The following CACNA1E variants were observed in gnomAD, a reference collection of about 807,000 sequenced individuals.
The protein encoded by CACNA1E is calcium voltage-gated channel subunit alpha1 E.
A neutral mutation model predicts 259.2 loss-of-function variants in CACNA1E; 40 were observed. That is an observed-to-expected ratio of 0.15 (90% CI 0.12 to 0.20). The LOEUF is 0.20. Among genes scored for constraint, CACNA1E ranks in the 10% least tolerant of loss-of-function variants. The pLI is 1.00. For missense variants in CACNA1E, 1,874 were observed against 3,040.1 expected, an observed-to-expected ratio of 0.62 and a Z score of 9.02; for synonymous variants, 1,104 against 1,138.5, an observed-to-expected ratio of 0.97 and a Z score of 0.61.
chr1:181,785,669 T>A, intron 42 of CACNA1E, 44 bp from the exon 43 acceptor site: 1 of 1,298,592 alleles, frequency 7.7e-7, no homozygotes, highest in East Asian at 2.3e-5. Context: ...GCAAACTCCG[T>A]AGTCATTGGA....
chr1:181,629,569 A>T (rs1026953403), intron 6 of CACNA1E, among the ~76,000 whole-genome samples: 2 of 152,116 alleles, frequency 1.3e-5, no homozygotes, highest in Non-Finnish European at 2.9e-5. Context: ...TAAATTACAA[A>T]TTTTTTATGG....
chr1:181,736,016 A>G (rs1655998355), intron 21 of CACNA1E, among the ~76,000 whole-genome samples: 2 of 152,214 alleles, frequency 1.3e-5, no homozygotes, highest in African/African-American at 4.8e-5. Context: ...TTCAACCTTA[A>G]AAGTGGAAAC....
At chr1:181,521,528 A>G (rs889002645) in intron 3 of CACNA1E, among the ~76,000 whole-genome samples, 3 of 152,226 alleles carry the variant, frequency 2.0e-5, no homozygotes, top group Non-Finnish European at 4.4e-5. Context: ...AGGAGAAGAC[A>G]GGAGGGAAGG....
At chr1:181,537,881 A>G (rs1668295101) in intron 3 of CACNA1E, among the ~76,000 whole-genome samples, 1 of 152,230 alleles carries the variant, frequency 6.6e-6, no homozygotes, top group Non-Finnish European at 1.5e-5. Context: ...GCTACCTACT[A>G]TGTAGGATTA....
At chr1:181,423,381 G>C (rs1658907123) in intron 2 of CACNA1E, among the ~76,000 whole-genome samples, 1 of 152,172 alleles carries the variant, frequency 6.6e-6, no homozygotes, top group Non-Finnish European at 1.5e-5. Flanking sequence ...TTCATTTACA[G>C]GTGAGGAAGC....
chr1:181,543,658 C>A (rs192710508), intron 3 of CACNA1E, among the ~76,000 whole-genome samples: 48 of 152,284 alleles, frequency 3.2e-4, no homozygotes, highest in Middle Eastern at 3.4e-3. Context: ...GACATCCCAG[C>A]CTCCAAAACT....
chr1:181,667,248 T>C (rs1430590453), intron 7 of CACNA1E, among the ~76,000 whole-genome samples: 2 of 152,116 alleles, frequency 1.3e-5, no homozygotes, highest in Non-Finnish European at 2.9e-5. Context: ...CACTGATGGC[T>C]GAAATGTAAG....
rs552522512 is a variant in CACNA1E, at chr1:181,424,484, A to G, written c.434+10904A>G. ...AGAGAACTGGGTTTGAGAATAAACA[A>G]GGTGGTGCGCGAGCAGCGCGGTTTT... On this transcript the variant is annotated intron_variant, in intron 2 of 11. Transcript: ENST00000524607. 1.1e-4 allele frequency among the ~76,000 whole-genome samples: 17 copies of G among 152,356 alleles called. No individual in the cohort carries two copies. In the Middle Eastern group the frequency reaches 0.01, roughly 91 times the overall value.
At chr1:181,735,010 T>C (rs1331704504) in intron 21 of CACNA1E, among the ~76,000 whole-genome samples, 1 of 152,216 alleles carries the variant, frequency 6.6e-6, no homozygotes, top group Non-Finnish European at 1.5e-5. Flanking sequence ...AGCCTTGCTG[T>C]TTTCCTCTAC....
intron 6 of CACNA1E, among the ~76,000 whole-genome samples, chr1:181,626,390 A>G (rs905127097): frequency 5.3e-5 from 8 of 152,290 alleles, no homozygotes; most frequent in South Asian, 2.1e-4. Context: ...TAGATGTGTG[A>G]AAAAAAGAAA....
At chr1:181,331,184 T>C (rs1190869100) in intron 1 of CACNA1E, among the ~76,000 whole-genome samples, 1 of 152,172 alleles carries the variant, frequency 6.6e-6, no homozygotes, top group Non-Finnish European at 1.5e-5. Flanking sequence ...AGTGTATTAG[T>C]TAGGGTTCCC....
intron 1 of CACNA1E, among the ~76,000 whole-genome samples, chr1:181,380,971 G>A (rs1655419746): frequency 6.6e-6 from 1 of 152,132 alleles, no homozygotes; most frequent in South Asian, 2.1e-4. Flanking sequence ...TTTGAGACCA[G>A]CCTGGCCAAC....
Position 181,739,052 on chromosome 1 carries a change from A to G in CACNA1E, c.3613-95A>G, listed in dbSNP as rs142556426. The G allele has an allele frequency of 6.1e-4, 488 of 796,620 alleles. No homozygotes were observed. In the African/African-American group the frequency reaches 7.7e-3, roughly 13 times the overall value. The allele number at this position is 796,620 out of a possible 1,614,324, so 49.3% of individuals were successfully genotyped here. A position where few individuals can be genotyped will look rare whatever the true frequency, so the allele number is the denominator to read the frequency against. ...CTAGCATAGGGTTGGTTGTGGAGACAGTGGCAGTGGGGGCACTGCCATGAT... is the reference window on the plus strand; with the variant it reads ...CTAGCATAGGGTTGGTTGTGGAGACGGTGGCAGTGGGGGCACTGCCATGAT... On this transcript the variant is annotated intron_variant, in intron 24 of 47. Coordinates refer to ENST00000367573, the MANE Select transcript of CACNA1E (RefSeq NM_001205293.3).
chr1:181,709,315 C>G (rs756094370), intron 7 of CACNA1E, among the ~76,000 whole-genome samples: 1 of 152,212 alleles, frequency 6.6e-6, no homozygotes, highest in Non-Finnish European at 1.5e-5. Flanking sequence ...TCCCTTCCCC[C>G]ATAGCACCTT....
At chr1:181,747,450 A>T (rs10442601) in intron 25 of CACNA1E, among the ~76,000 whole-genome samples, 3,437 of 122,860 alleles carry the variant, frequency 0.028, 77 homozygotes, top group Admixed American at 0.068. Flanking sequence ...AAAATCTGTC[A>T]TTTTTTTTTT....
chr1:181,759,249 A>G (rs929217222), intron 32 of CACNA1E, among the ~76,000 whole-genome samples: 1 of 152,214 alleles, frequency 6.6e-6, no homozygotes, highest in Non-Finnish European at 1.5e-5. Flanking sequence ...GAAAATAACT[A>G]TCTCTCTTAG....
intron 3 of CACNA1E, among the ~76,000 whole-genome samples, chr1:181,572,293 C>T (rs1045389181): frequency 3.9e-5 from 6 of 152,234 alleles, no homozygotes; most frequent in African/African-American, 1.4e-4. Context: ...AGCATTGCCT[C>T]TGTCTTCTGT....
At position 181,717,388 on chromosome 1, in the gene CACNA1E, A is replaced by G. The variant is rs1182450238; in HGVS notation, c.1525+86A>G. On this transcript the variant is annotated intron_variant, in intron 11 of 47. Transcript: ENST00000367573. ...GTGTGTGAACGCAAGACAGCAAAGCACCCTGCTAGGAAAGGTTCTACCTCT... is the reference window on the plus strand; with the variant it reads ...GTGTGTGAACGCAAGACAGCAAAGCGCCCTGCTAGGAAAGGTTCTACCTCT... The G allele has an allele frequency of 2.7e-6, 3 of 1,106,656 alleles. No individual in the cohort carries two copies. In the Admixed American group the frequency reaches 5.2e-5, roughly 19 times the overall value. 68.6% of individuals were successfully genotyped at this position (1,106,656 alleles called of 1,614,324 possible). A position where few individuals can be genotyped will look rare whatever the true frequency, so the allele number is the denominator to read the frequency against.
chr1:181,567,604 T>G (rs1287333158), intron 3 of CACNA1E, among the ~76,000 whole-genome samples: 1 of 152,222 alleles, frequency 6.6e-6, no homozygotes, highest in Non-Finnish European at 1.5e-5. Context: ...ATGTTGTTGC[T>G]TCAGGTAGCA....
Sources: gnomAD v4.1 joint callset for allele counts (sites outside exome capture counted in the v4.1 genomes callset) on GRCh38, gnomAD v4.1.1 for gene constraint, MANE v1.5 for transcripts, NCBI Gene and HGNC (gene_info 2026-07-23, HGNC 2026-07-21) for gene names.